MICAL1: variants seen among roughly 807,000 people sequenced by gnomAD.
MICAL1 encodes microtubule associated monooxygenase, calponin and LIM domain containing 1.
MICAL1 carries 95 observed loss-of-function variants against 131.8 expected under a neutral mutation model. The observed-to-expected ratio is 0.72, with a 90% confidence interval of 0.61 to 0.86. MICAL1 has a LOEUF of 0.86. Among genes scored for constraint, MICAL1 ranks in the 40% least tolerant of loss-of-function variants. The pLI is 0.00. For missense variants in MICAL1, 1,292 were observed against 1,380.6 expected (o/e 0.94, Z 1.02); for synonymous variants, 546 against 554.2 (o/e 0.99, Z 0.21).
At chr6:109,445,711 T>G in intron 20 of MICAL1, 60 bp downstream of exon 20, 1 of 1,567,274 alleles carries the variant, frequency 6.4e-7, no homozygotes, top group East Asian at 2.3e-5. Context: ...AGTGGACCAG[T>G]GCAGGTTTCT....
At position 109,448,878 on chromosome 6, in the gene MICAL1, C is replaced by T. The variant is rs138197838; in HGVS notation, c.1518G>A (p.Gly506=). 5 of 1,613,298 alleles carry T rather than the reference C, an allele frequency of 3.1e-6. No individual in the cohort carries two copies. The East Asian group carries it at 1.1e-4, about 36-fold the overall frequency. The change falls in exon 12 of 25, where the codon GGG becomes GGA. Residue 506 remains glycine, a splice_region_variant and synonymous_variant. Coordinates refer to ENST00000358807, the MANE Select transcript of MICAL1 (RefSeq NM_022765.4). ...DKTDTGMPAT[G]SAGTQEELLR... ...GCAGCTCCTCCTGGGTGCCTGCCGA[C>T]CCTGGGAAAGAAGGCTGTGCTGTGC...
At chr6:109,460,523 TACACACACAC>T (rs113472586), upstream of MICAL1, among the ~76,000 whole-genome samples, 1 of 147,678 alleles carries the variant, frequency 6.8e-6, no homozygotes, top group Non-Finnish European at 1.5e-5. Flanking sequence ...TATATATAAA[TACACACACAC>T]ACACACACAC....
rs781755257 is a variant in MICAL1 at position 109,448,816 on chromosome 6, C to G, written c.1580G>C (p.Gly527Ala). The G allele has an allele frequency of 1.2e-6, 2 of 1,614,038 alleles. No homozygotes were observed. The highest frequency in any genetic ancestry group is 2.2e-5 in the South Asian group (2 of 91,090). ...GGAAGACAAATCGGAGACGTGGACT[C>G]CCGGGTACCCAGCTGTCTGCTCCTG... ...WCQEQTAGYP[G>A]VHVSDLSSSW... Residue 527 changes from glycine (G) to alanine (A), a missense_variant, in exon 12 of 25, where the codon GGA becomes GCA. By Grantham distance (60) the Gly-to-Ala change is moderately conservative (BLOSUM62 0). Transcript: ENST00000358807.
In MICAL1 at chr6:109,447,897, G is replaced by T. The variant is rs1775309278; in HGVS notation, c.1922C>A (p.Thr641Asn). The T allele has an allele frequency of 6.2e-7, 1 of 1,613,266 alleles. No individual in the cohort carries two copies. Among genetic ancestry groups the T allele is most frequent in the Admixed American group, 1.7e-5 (1 of 59,938 alleles). Residue 641 changes from threonine to asparagine, a missense_variant, in exon 14 of 25, where the codon ACC (threonine) becomes AAC (asparagine). By Grantham distance (65) the Thr-to-Asn change is moderately conservative. Transcript: ENST00000358807. ...AVLFLSKLQR[T>N]LQRSRAKENA... ...CACCTTGGCCCGGGATCGCTGCAGG[G>T]TCCTCTGAAGTTTACTAAGGAATAA...
Position 109,447,169 on chromosome 6 carries a change from A to G in MICAL1, c.2131T>C (p.Cys711Arg), listed in dbSNP as rs751544392. 1 of 1,614,190 alleles carries G rather than the reference A, an allele frequency of 6.2e-7. No individual in the cohort carries two copies. The highest frequency in any genetic ancestry group is 8.5e-7 in the Non-Finnish European group (1 of 1,180,008). The change falls in exon 17 of 25, where the codon TGT becomes CGT. Residue 711 changes from cysteine to arginine, a missense_variant. By Grantham distance (180) the Cys-to-Arg change is radical. Transcript: ENST00000358807. ...CGGTGGAAGAAATGGCCGTTGACAC[A>G]GAGGCGTTCCAGGACATAGAGGTGT... ...GEHLYVLERLCVNGHFFHRSC... is the reference protein window; with the variant it reads ...GEHLYVLERLRVNGHFFHRSC...
chr6:109,445,093 G>T (rs1388547008), intron 22 of MICAL1, 98 bp from the exon 23 acceptor site: 1 of 1,559,104 alleles, frequency 6.4e-7, no homozygotes, highest in Non-Finnish European at 8.8e-7. Context: ...GGTGTCACAG[G>T]TATGTGTTAG....
At chr6:109,456,173 T>C (rs1775740068), upstream of MICAL1, among the ~76,000 whole-genome samples, 1 of 152,208 alleles carries the variant, frequency 6.6e-6, no homozygotes. Flanking sequence ...AGGCTAGCTC[T>C]TTCCCCGCCG....
At chr6:109,453,498 A>G in intron 3 of MICAL1, 131 bp from the exon 4 acceptor site, 1 of 1,497,836 alleles carries the variant, frequency 6.7e-7, no homozygotes, top group Non-Finnish European at 8.9e-7. Flanking sequence ...CCACTTATAG[A>G]TGGGGGACCT....
At chr6:109,452,800 T>G (rs548380672) in intron 4 of MICAL1, among the ~76,000 whole-genome samples, 185 bp from the exon 5 acceptor site, 2 of 152,214 alleles carry the variant, frequency 1.3e-5, no homozygotes, top group Non-Finnish European at 2.9e-5. Flanking sequence ...GGAAGTGTTA[T>G]TCTTGTTTTG....
chr6:109,451,954 T>C, intron 6 of MICAL1: 1 of 1,391,182 alleles, frequency 7.2e-7, no homozygotes, highest in Non-Finnish European at 9.3e-7. Context: ...CCTGGTCGCA[T>C]GGCAGTGCAA....
Position 109,448,763 on chromosome 6 carries a change from C to T in MICAL1, c.1633G>A (p.Ala545Thr). Reference protein sequence around the residue: ...SSWADGLALCALVYRLQPGLL... With the variant: ...SSWADGLALCTLVYRLQPGLL... ...CCAGGCTGCAGCCGGTACACCAGGG[C>T]ACACAGAGCTAGCCCATCAGCCCAG... is the stretch of plus-strand genomic sequence containing the variant. Residue 545 changes from alanine (A) to threonine (T), a missense_variant, in exon 12 of 25, where the codon GCC (alanine) becomes ACC (threonine). Ala to Thr is a moderately conservative substitution (Grantham distance 58). Coordinates refer to ENST00000358807, the MANE Select transcript of MICAL1 (RefSeq NM_022765.4). 6.2e-7 allele frequency: 1 copy of T among 1,614,096 alleles called. No individual in the cohort carries two copies.
In MICAL1 at chr6:109,445,329, T is replaced by C. The variant is rs373684736; in HGVS notation, c.2788-39A>G. The C allele has an allele frequency of 3.0e-5, 49 of 1,613,156 alleles. No homozygotes were observed. The Middle Eastern group carries it at 1.2e-3, about 38-fold the overall frequency. ...GACAGAATATCCAGGAGTCTCTAGG[T>C]TGCTCAAGAACAGAGCACTGGAGGA... On this transcript the variant is annotated intron_variant, in intron 21 of 24. Coordinates refer to ENST00000358807, the MANE Select transcript of MICAL1 (RefSeq NM_022765.4).
Position 109,454,182 on chromosome 6 carries a change from G to A in MICAL1, c.15C>T (p.Thr5=), listed in dbSNP as rs754447947. Residue 5 remains threonine (T), a synonymous_variant, in exon 2 of 25, where the codon ACC becomes ACT. Coordinates refer to ENST00000358807, the MANE Select transcript of MICAL1 (RefSeq NM_022765.4). The stretch of plus-strand genomic sequence containing the variant: ...AGTGGGCATGCGCTGGGTTGGTGGA[G>A]GTAGGTGAAGCCATGGAGGCCTCCT... MASP[T]STNPAHAHFE... 3 of 1,602,328 alleles carry A rather than the reference G, an allele frequency of 1.9e-6. No individual in the cohort carries two copies. The highest frequency in any genetic ancestry group is 2.6e-6 in the Non-Finnish European group (3 of 1,174,624).
At chr6:109,449,603 C>T in intron 10 of MICAL1, 54 bp downstream of exon 10, 1 of 1,597,614 alleles carries the variant, frequency 6.3e-7, no homozygotes, top group Non-Finnish European at 8.5e-7. Context: ...GAGGGCCTGA[C>T]CTGGGGGAAG....
At chr6:109,452,105 G>T (rs1025630126) in intron 6 of MICAL1, 141 bp downstream of exon 6, 10 of 1,445,398 alleles carry the variant, frequency 6.9e-6, no homozygotes, top group African/African-American at 5.7e-5. Flanking sequence ...GAGGGGACAG[G>T]TTCCTTCTCC....
rs886729300 is a variant in MICAL1, at chr6:109,444,204, C to G, written c.3191G>C (p.Gly1064Ala). 2 of 1,613,072 alleles carry G rather than the reference C, an allele frequency of 1.2e-6. No homozygotes were observed. Among genetic ancestry groups the G allele is most frequent in the Non-Finnish European group, 1.7e-6 (2 of 1,179,956 alleles). Residue 1064 changes from glycine (G) to alanine (A), a missense_variant, in exon 25 of 25, where the codon GGG (glycine) becomes GCG (alanine). Transcript: ENST00000358807. Reference sequence around the variant, plus strand: ...GCCCACCCTCGTCTAGCCCTGGGCCCCTGTCCCCAAGGCCAGCTCGCTGAG... The same window carrying G: ...GCCCACCCTCGTCTAGCCCTGGGCCGCTGTCCCCAAGGCCAGCTCGCTGAG... ...RRLSELALGTGAQG is the reference protein window; with the variant it reads ...RRLSELALGTAAQG
chr6:109,452,150 G>T (rs1775567734), intron 6 of MICAL1, 96 bp downstream of exon 6: 4 of 1,507,456 alleles, frequency 2.7e-6, no homozygotes, highest in Non-Finnish European at 3.5e-6. Flanking sequence ...GAAAAGTGTG[G>T]AGTTCCTTGC....
chr6:109,449,339 C>T, intron 11 of MICAL1, 61 bp downstream of exon 11: 1 of 1,552,894 alleles, frequency 6.4e-7, no homozygotes, highest in Non-Finnish European at 8.9e-7. Flanking sequence ...TTGCAGGGAC[C>T]ACCTGGGCCT....
rs1293976533 is a variant in MICAL1, at chr6:109,448,265, A to C, written c.1793T>G (p.Leu598Arg). The change falls in exon 13 of 25, where the codon CTG becomes CGG. Residue 598 changes from leucine (L) to arginine (R), a missense_variant. Coordinates refer to ENST00000358807, the MANE Select transcript of MICAL1 (RefSeq NM_022765.4). ...AQAVVAGSDP[L>R]GLIAYLSHFH... is the part of the protein sequence containing the mutation. The stretch of plus-strand genomic sequence containing the variant: ...GTGGCTGAGGTAGGCAATGAGGCCC[A>C]GTGGGTCACTCCCTGCTACCACGGC... The C allele has an allele frequency of 5.0e-6, 8 of 1,613,880 alleles. No individual in the cohort carries two copies. The East Asian group carries it at 8.9e-5, about 18-fold the overall frequency.
Sources: allele counts gnomAD v4.1 joint callset (sites outside exome capture counted in the v4.1 genomes callset), GRCh38; gene constraint gnomAD v4.1.1; transcripts MANE v1.5; gene names NCBI Gene and HGNC (gene_info 2026-07-23, HGNC 2026-07-21).